The following AP1G2 variants were observed in gnomAD, a reference collection of about 807,000 sequenced individuals.
AP1G2 encodes the protein AP-1 complex subunit gamma-like 2.
A neutral mutation model predicts 95.8 loss-of-function variants in AP1G2; 85 were observed. That is an observed-to-expected ratio of 0.89 (90% CI 0.74 to 1.06). The LOEUF is 1.06. Ranked by LOEUF, AP1G2 falls within the 50% of genes least tolerant of loss-of-function variation. The pLI is 0.00. For missense variants in AP1G2, 967 were observed against 1,005.8 expected (o/e 0.96, Z 0.52); for synonymous variants, 378 against 400.0 (o/e 0.94, Z 0.66).
In AP1G2 at chr14:23,564,695, G is replaced by A. The variant is rs749109487; in HGVS notation, c.823-35C>T. Reference sequence around the variant, plus strand: ...TGAGAGAGGAGATGTATCTGCTCAAGGCCCTCCTCAGGTCTCCTTTTTTTG... The same window carrying A: ...TGAGAGAGGAGATGTATCTGCTCAAAGCCCTCCTCAGGTCTCCTTTTTTTG... On this transcript the variant is annotated intron_variant, in intron 8 of 21. Coordinates refer to ENST00000397120, the MANE Select transcript of AP1G2 (RefSeq NM_003917.5). The A allele has an allele frequency of 2.0e-5, 32 of 1,591,386 alleles. No homozygotes were observed. In the South Asian group the frequency reaches 2.9e-4, roughly 14 times the overall value.
chr14:23,560,293 C>T lies in AP1G2; in HGVS notation c.2119G>A (p.Asp707Asn). The change falls in exon 20 of 22, where the codon GAT becomes AAT. Residue 707 changes from aspartate to asparagine, a missense_variant. By Grantham distance (23) the Asp-to-Asn change is conservative. Coordinates refer to ENST00000397120, the MANE Select transcript of AP1G2 (RefSeq NM_003917.5). ...GCCTGGCAGATGAAATGGGTGACAT[C>T]ACCCTCTGAGAAGTTGGTGGCAGTG... ...TITATNFSEG[D>N]VTHFICQAAV... 2 of 1,613,986 alleles carry T rather than the reference C, an allele frequency of 1.2e-6. No homozygotes were observed. The highest frequency in any genetic ancestry group is 1.3e-5 in the African/African-American group (1 of 75,024).
chr14:23,563,886 T>C, intron 11 of AP1G2, 30 bp from the exon 12 acceptor site: 2 of 1,609,724 alleles, frequency 1.2e-6, no homozygotes, highest in Non-Finnish European at 1.7e-6. Flanking sequence ...TCCATGCAGG[T>C]AGCCCAGGTC....
rs1885269769 is a variant in AP1G2, at chr14:23,562,287, C to T, written c.1628+1G>A. The T allele has an allele frequency of 1.2e-6, 2 of 1,614,150 alleles. No homozygotes were observed. The highest frequency in any genetic ancestry group is 1.7e-5 in the Admixed American group (1 of 60,024). On this transcript the variant is annotated splice_donor_variant, in intron 16 of 21. Transcript: ENST00000397120. LOFTEE classifies it high-confidence loss of function. ...CTCAAGGGGCTGGGACCCCTTCTTA[C>T]TTGTTGTCCCCACAGAGGCGAGTGC...
chr14:23,561,115 T>C (rs986520439), intron 19 of AP1G2, 181 bp downstream of exon 19: 1 of 1,329,338 alleles, frequency 7.5e-7, no homozygotes, highest in African/African-American at 1.5e-5. Context: ...GAAAGAAGTC[T>C]GGAACAAAGG....
chr14:23,563,702 C>T lies in AP1G2; in HGVS notation c.1232+14G>A. The T allele has an allele frequency of 6.2e-7, 1 of 1,614,178 alleles. No homozygotes were observed. The highest frequency in any genetic ancestry group is 2.2e-5 in the East Asian group (1 of 44,874). On this transcript the variant is annotated intron_variant, in intron 12 of 21. Transcript: ENST00000397120. ...TCCCCAGATTCTACCCTCTTCGACT[C>T]CTGGGCACCTCACCTCTCTGCAGCC...
In AP1G2 at chr14:23,563,983, G is replaced by T; in HGVS notation, c.1091+63C>A. 1.1e-5 allele frequency: 18 copies of T among 1,609,388 alleles called. No individual in the cohort carries two copies. In the South Asian group the frequency reaches 2.0e-4, roughly 18 times the overall value. ...CTCCAGCTGCTCTAAACTGGCTCGA[G>T]TCTTGGCCACAGGGCACTGGGAACC... On this transcript the variant is annotated intron_variant, in intron 11 of 21. Coordinates refer to ENST00000397120, the MANE Select transcript of AP1G2 (RefSeq NM_003917.5).
In AP1G2 at chr14:23,567,147, G is replaced by A. The variant is rs775384656; in HGVS notation, c.168C>T (p.Tyr56=). The A allele has an allele frequency of 5.0e-6, 8 of 1,612,672 alleles. No individual in the cohort carries two copies. The highest frequency in any genetic ancestry group is 2.2e-5 in the South Asian group (2 of 90,994). Reference sequence around the variant, plus strand: ...GGGCGGGGTAGCCCAACATGTGGACGTAGAGCAGTTTGGCCAGCTGCCGGT... The same window carrying A: ...GGGCGGGGTAGCCCAACATGTGGACATAGAGCAGTTTGGCCAGCTGCCGGT... ...HRHRQLAKLL[Y]VHMLGYPAHF... Residue 56 remains tyrosine (Y), a synonymous_variant, in exon 2 of 22, where the codon TAC becomes TAT. Coordinates refer to ENST00000397120, the MANE Select transcript of AP1G2 (RefSeq NM_003917.5). This position sits in a 1 kb window ranked among gnomAD's most constrained non-coding sequence, Gnocchi z 5.3.
Position 23,561,610 on chromosome 14 carries a change from G to A in AP1G2, c.1759C>T (p.Leu587Phe). The A allele has an allele frequency of 6.2e-7, 1 of 1,614,104 alleles. No homozygotes were observed. Among genetic ancestry groups the A allele is most frequent in the Non-Finnish European group, 8.5e-7 (1 of 1,180,016 alleles). Residue 587 changes from leucine (L) to phenylalanine (F), a missense_variant, in exon 18 of 22, where the codon CTT becomes TTT. Leu to Phe is a conservative substitution (Grantham distance 22). Coordinates refer to ENST00000397120, the MANE Select transcript of AP1G2 (RefSeq NM_003917.5). ...GCCTGAGGGCCATCTCGCTCCACAAGAGGCATTTTTTCCAGGATGGCAGCC... is the reference window on the plus strand; with the variant it reads ...GCCTGAGGGCCATCTCGCTCCACAAAAGGCATTTTTTCCAGGATGGCAGCC... ...MRAAILEKMP[L>F]VERDGPQADE...
At chr14:23,563,325 G>A (rs1363543341) in intron 14 of AP1G2, 55 bp downstream of exon 14, 2 of 1,551,242 alleles carry the variant, frequency 1.3e-6, no homozygotes, top group African/African-American at 1.4e-5. Context: ...AGGTGGCCCA[G>A]GATGGGCAAG....
At chr14:23,561,097 A>G in intron 19 of AP1G2, 199 bp downstream of exon 19, 1 of 1,314,192 alleles carries the variant, frequency 7.6e-7, no homozygotes. Flanking sequence ...AGGGCCCTGT[A>G]GGCCAGGGAA....
chr14:23,560,147 T>C, intron 20 of AP1G2, 108 bp downstream of exon 20: 1 of 1,473,968 alleles, frequency 6.8e-7, no homozygotes, highest in East Asian at 2.3e-5. Flanking sequence ...AGTGCTGATC[T>C]CCAGATGACT....
rs1373393411 is a variant in AP1G2, at chr14:23,563,650, A to G, written c.1233-12T>C. 6.2e-7 allele frequency: 1 copy of G among 1,614,150 alleles called. No homozygotes were observed. The highest frequency in any genetic ancestry group is 8.5e-7 in the Non-Finnish European group (1 of 1,180,028). Reference sequence around the variant, plus strand: ...TGGTTGGAGCAAACCTAGGGGATATATGGCTCATCAGTCCTGGTACTGACG... The same window carrying G: ...TGGTTGGAGCAAACCTAGGGGATATGTGGCTCATCAGTCCTGGTACTGACG... On this transcript the variant is annotated splice_polypyrimidine_tract_variant and intron_variant, in intron 12 of 21. Coordinates refer to ENST00000397120, the MANE Select transcript of AP1G2 (RefSeq NM_003917.5).
chr14:23,561,621 T>C lies in AP1G2; in HGVS notation c.1748A>G (p.Glu583Gly). 6.2e-7 allele frequency: 1 copy of C among 1,614,076 alleles called. No homozygotes were observed. Among genetic ancestry groups the C allele is most frequent in the Non-Finnish European group, 8.5e-7 (1 of 1,180,018 alleles). ...KYDHMRAAIL[E>G]KMPLVERDGP... is the part of the protein sequence containing the mutation. ...ATCTCGCTCCACAAGAGGCATTTTTTCCAGGATGGCAGCCCTGAGAGGATG... is the reference window on the plus strand; with the variant it reads ...ATCTCGCTCCACAAGAGGCATTTTTCCCAGGATGGCAGCCCTGAGAGGATG... Residue 583 changes from glutamate (E) to glycine (G), a missense_variant, in exon 18 of 22, where the codon GAA becomes GGA. By Grantham distance (98) the Glu-to-Gly change is moderately conservative. Transcript: ENST00000397120.
rs779841590 is a variant in AP1G2 at position 23,563,811 on chromosome 14, C to T, written c.1137G>A (p.Val379=). 2.5e-6 allele frequency: 4 copies of T among 1,614,148 alleles called. No individual in the cohort carries two copies. The highest frequency in any genetic ancestry group is 1.7e-6 in the Non-Finnish European group (2 of 1,180,020). ...CCTGCAGCTCTTGCATCATGGCTCG[C>T]ACATTGGAGCTATTTACCAGAGCCA... ...LSLALVNSSN[V]RAMMQELQAF... is the part of the protein sequence containing the mutation. Residue 379 remains valine, a synonymous_variant, in exon 12 of 22, where the codon GTG becomes GTA. Transcript: ENST00000397120.
intron 7 of AP1G2, 54 bp downstream of exon 7, chr14:23,565,552 C>A: frequency 6.8e-7 from 1 of 1,469,840 alleles, no homozygotes; most frequent in South Asian, 1.1e-5. Context: ...TGGTCATGGT[C>A]TTACTGCTAT....
Position 23,560,251 on chromosome 14 carries a change from A to G in AP1G2, c.2157+4T>C, listed in dbSNP as rs1293222220. 2 of 1,613,194 alleles carry G rather than the reference A, an allele frequency of 1.2e-6. No homozygotes were observed. The highest frequency in any genetic ancestry group is 1.7e-6 in the Non-Finnish European group (2 of 1,179,996). Reference sequence around the variant, plus strand: ...GCCACCTCTGAACTCTGATCTTTACAAACCTTGGGCACAGCAGCCTGGCAG... The same window carrying G: ...GCCACCTCTGAACTCTGATCTTTACGAACCTTGGGCACAGCAGCCTGGCAG... On this transcript the variant is annotated splice_donor_region_variant and intron_variant, in intron 20 of 21. Coordinates refer to ENST00000397120, the MANE Select transcript of AP1G2 (RefSeq NM_003917.5).
intron 8 of AP1G2, 125 bp from the exon 9 acceptor site, chr14:23,564,785 C>T: frequency 1.2e-6 from 1 of 866,168 alleles, no homozygotes; most frequent in Non-Finnish European, 1.8e-6. Flanking sequence ...TCTGATGATC[C>T]TCCTGCCTCA....
In AP1G2 at chr14:23,561,612, G is replaced by C; in HGVS notation, c.1757C>G (p.Pro586Arg). Residue 586 changes from proline (P) to arginine (R), a missense_variant, in exon 18 of 22, where the codon CCT becomes CGT. By Grantham distance (103) the Pro-to-Arg change is moderately radical. Transcript: ENST00000397120. ...CTGAGGGCCATCTCGCTCCACAAGA[G>C]GCATTTTTTCCAGGATGGCAGCCCT... Reference protein sequence around the residue: ...HMRAAILEKMPLVERDGPQAD... With the variant: ...HMRAAILEKMRLVERDGPQAD... The C allele has an allele frequency of 6.2e-7, 1 of 1,614,114 alleles. No homozygotes were observed. The highest frequency in any genetic ancestry group is 8.5e-7 in the Non-Finnish European group (1 of 1,180,020).
Position 23,565,568 on chromosome 14 carries a change from C to T in AP1G2, c.741+38G>A, listed in dbSNP as rs555872290. ...GGTCATGGTCTTACTGCTATGCCCT[C>T]TCTGATCCAGGGATACAGCAGTGAA... On this transcript the variant is annotated intron_variant, in intron 7 of 21. Transcript: ENST00000397120. The T allele has an allele frequency of 4.5e-6, 7 of 1,541,226 alleles. No homozygotes were observed. In the Admixed American group the frequency reaches 5.0e-5, roughly 11 times the overall value.
Sources: gnomAD v4.1 joint callset for allele counts on GRCh38, gnomAD v4.1.1 for gene constraint, Gnocchi (gnomAD v3.1) non-coding constraint, MANE v1.5 for transcripts, NCBI Gene and HGNC (gene_info 2026-07-23, HGNC 2026-07-21) for gene names.